CASQ2: variants seen among roughly 807,000 people sequenced by gnomAD.
The protein encoded by CASQ2 is calsequestrin 2.
CASQ2 carries 49 observed loss-of-function variants against 46.5 expected under a neutral mutation model. That is an observed-to-expected ratio of 1.05 (90% confidence interval 0.84 to 1.34). The LOEUF is 1.34. Among genes scored for constraint, CASQ2 ranks in the 40% most tolerant of loss-of-function variants. The probability of loss-of-function intolerance (pLI) is 0.00; values close to 1 mark genes in which losing one functional copy is unlikely to be tolerated. For missense variants in CASQ2, 486 were observed against 481.3 expected, an observed-to-expected ratio of 1.01 and a Z score of -0.09; for synonymous variants, 174 against 168.5, an observed-to-expected ratio of 1.03 and a Z score of -0.25.
intron 3 of CASQ2, among the ~76,000 whole-genome samples, chr1:115,738,790 C>T (rs912247425): frequency 6.6e-6 from 1 of 151,990 alleles, no homozygotes. Flanking sequence ...ACTATATTCA[C>T]CATGCTGTAC....
intron 2 of CASQ2, among the ~76,000 whole-genome samples, chr1:115,742,293 A>G (rs540258043): frequency 5.0e-4 from 76 of 152,196 alleles, no homozygotes; most frequent in African/African-American, 1.6e-3. Context: ...GATTTTCTTG[A>G]TATCAATGAT....
intron 7 of CASQ2, among the ~76,000 whole-genome samples, chr1:115,723,562 G>T (rs1191359952): frequency 4.6e-5 from 7 of 151,032 alleles, no homozygotes; most frequent in Non-Finnish European, 7.4e-5. Flanking sequence ...TTTTGAGACA[G>T]GGTCTCACTC....
chr1:115,728,002 C>T (rs1324324846), intron 5 of CASQ2, among the ~76,000 whole-genome samples: 1 of 152,190 alleles, frequency 6.6e-6, no homozygotes, highest in Non-Finnish European at 1.5e-5. Flanking sequence ...CTGGAATGTG[C>T]AACGCTCTAT....
chr1:115,743,237 A>G (rs1648258287), intron 2 of CASQ2, among the ~76,000 whole-genome samples: 1 of 151,092 alleles, frequency 6.6e-6, no homozygotes, highest in Admixed American at 6.6e-5. Flanking sequence ...TTATTTATTC[A>G]TTCATTCATT....
intron 1 of CASQ2, among the ~76,000 whole-genome samples, chr1:115,763,452 G>A (rs776590109): frequency 6.6e-6 from 1 of 152,200 alleles, no homozygotes; most frequent in South Asian, 2.1e-4. Flanking sequence ...ATAAGAGGAG[G>A]AGCAAATCAA....
At chr1:115,761,690 G>T (rs1287224082) in intron 1 of CASQ2, among the ~76,000 whole-genome samples, 1 of 151,390 alleles carries the variant, frequency 6.6e-6, no homozygotes. Flanking sequence ...GTCTGTTAGG[G>T]GCTCTGGCAG....
intron 1 of CASQ2, among the ~76,000 whole-genome samples, chr1:115,756,457 T>C (rs1648763170): frequency 6.6e-6 from 1 of 152,150 alleles, no homozygotes. Context: ...AAGCTGACAA[T>C]TATGCAAAAA....
chr1:115,766,421 C>T (rs1188242015), intron 1 of CASQ2, among the ~76,000 whole-genome samples: 1 of 152,180 alleles, frequency 6.6e-6, no homozygotes, highest in African/African-American at 2.4e-5. Flanking sequence ...AACAAGCTAA[C>T]ACATACCAAG....
chr1:115,712,964 C>T lies in CASQ2; in HGVS notation c.838+4876G>A, dbSNP rs370795983. ...AGTGGTCCTACTTGAGACAATTGGTCTCAAAAAGATTTTTACAAGAACCTG... is the reference window on the plus strand; with the variant it reads ...AGTGGTCCTACTTGAGACAATTGGTTTCAAAAAGATTTTTACAAGAACCTG... On this transcript the variant is annotated intron_variant, in intron 8 of 10. Coordinates refer to ENST00000261448, the MANE Select transcript of CASQ2 (RefSeq NM_001232.4). 3.3e-5 allele frequency among the ~76,000 whole-genome samples: 5 copies of T among 152,156 alleles called. No individual in the cohort carries two copies. The South Asian group carries it at 8.3e-4, about 25-fold the overall frequency.
At chr1:115,716,154 C>T (rs565606727) in intron 8 of CASQ2, among the ~76,000 whole-genome samples, 1 of 152,334 alleles carries the variant, frequency 6.6e-6, no homozygotes, top group South Asian at 2.1e-4. Flanking sequence ...TTCCAAAATG[C>T]ACTTCAGAAT....
At chr1:115,713,516 A>G (rs1654610075) in intron 8 of CASQ2, among the ~76,000 whole-genome samples, 1 of 152,200 alleles carries the variant, frequency 6.6e-6, no homozygotes, top group Admixed American at 6.5e-5. Flanking sequence ...ACCCTGGGTG[A>G]ACTCAAGCTC....
At chr1:115,739,342 C>T (rs1027070536) in intron 3 of CASQ2, among the ~76,000 whole-genome samples, 3 of 151,734 alleles carry the variant, frequency 2.0e-5, no homozygotes, top group Non-Finnish European at 4.4e-5. Context: ...GTCTCGATCT[C>T]CTGACCTTGT....
chr1:115,719,084 C>T (rs1260475212), intron 7 of CASQ2, among the ~76,000 whole-genome samples: 4 of 152,144 alleles, frequency 2.6e-5, no homozygotes, highest in African/African-American at 9.7e-5. Flanking sequence ...CTGGCGCAAT[C>T]CTATCTAAAT....
At chr1:115,704,110 C>A (rs753815850) in intron 9 of CASQ2, among the ~76,000 whole-genome samples, 14 of 152,142 alleles carry the variant, frequency 9.2e-5, no homozygotes, top group Admixed American at 2.0e-4. Context: ...GTCATGGAAG[C>A]CTCTGCCTTT....
chr1:115,701,042 T>C lies in CASQ2; in HGVS notation c.*199A>G, dbSNP rs2101051884. 1 of 755,856 alleles carries C rather than the reference T, an allele frequency of 1.3e-6. No individual in the cohort carries two copies. 46.8% of individuals were successfully genotyped at this position (755,856 alleles called of 1,614,324 possible). A position where few individuals can be genotyped will look rare whatever the true frequency, so the allele number is the denominator to read the frequency against. ...ATGGGAATAATTTTTCTCCTGTCCC[T>C]GCTAAGTGGGATTGCTGCATTTGAA... On this transcript the variant is annotated 3_prime_UTR_variant, in exon 11 of 11. Transcript: ENST00000261448.
chr1:115,732,892 G>A lies in CASQ2; in HGVS notation c.606+9C>T, dbSNP rs751215231. 4 of 1,603,328 alleles carry A rather than the reference G, an allele frequency of 2.5e-6. No individual in the cohort carries two copies. In the South Asian group the frequency reaches 4.4e-5, roughly 18 times the overall value. ...AAACTGTTCAAATTGGGGTTTCATA[G>A]GTACTTACCCCTTTGTCAAAGGTGG... On this transcript the variant is annotated intron_variant, in intron 5 of 10. Coordinates refer to ENST00000261448, the MANE Select transcript of CASQ2 (RefSeq NM_001232.4).
intron 2 of CASQ2, among the ~76,000 whole-genome samples, chr1:115,741,613 A>C (rs10923335): frequency 0.71 from 108,087 of 152,048 alleles, 42,139 homozygotes; most frequent in Non-Finnish European, 0.87. Flanking sequence ...TGTGGCCAGG[A>C]TGGACAGCTT....
At position 115,727,406 on chromosome 1, in the gene CASQ2, T is replaced by C. The variant is rs144941661; in HGVS notation, c.607-284A>G. ...TTGAGATGCGAAGTGGGAAATTTAA[T>C]TCTACAATCACCATCACTCTACTGC... On this transcript the variant is annotated intron_variant, in intron 5 of 10. Transcript: ENST00000261448. Among the ~76,000 whole-genome samples, 500 of 152,328 alleles carry C rather than the reference T, an allele frequency of 3.3e-3. 5 individuals are homozygous for C. The highest frequency in any genetic ancestry group is 0.012 in the African/African-American group (482 of 41,584).
intron 2 of CASQ2, among the ~76,000 whole-genome samples, chr1:115,743,789 A>T (rs1648281684): frequency 6.7e-6 from 1 of 149,914 alleles, no homozygotes; most frequent in African/African-American, 2.5e-5. Context: ...GCCATTCTTC[A>T]CTGGTCATGC....
Sources: allele counts gnomAD v4.1 joint callset (sites outside exome capture counted in the v4.1 genomes callset), GRCh38; gene constraint gnomAD v4.1.1; transcripts MANE v1.5; gene names NCBI Gene and HGNC (gene_info 2026-07-23, HGNC 2026-07-21).